The following INPP5D variants were observed in gnomAD, a reference collection of about 807,000 sequenced individuals.
INPP5D encodes phosphatidylinositol 3,4,5-trisphosphate 5-phosphatase 1.
INPP5D carries 33 observed loss-of-function variants against 122.9 expected under a neutral mutation model. The observed-to-expected ratio is 0.27, with a 90% CI of 0.20 to 0.36. The LOEUF is 0.36. INPP5D is among the 10% of genes least tolerant of loss of function. INPP5D has a pLI of 1.00. For synonymous variants in INPP5D, 584 were observed against 576.2 expected (o/e 1.01, Z -0.19); for missense variants, 1,053 against 1,412.7 (o/e 0.75, Z 4.08).
At chr2:233,108,136 C>T (rs183230289) in intron 2 of INPP5D, among the ~76,000 whole-genome samples, 37 of 152,290 alleles carry the variant, frequency 2.4e-4, no homozygotes, top group Middle Eastern at 6.8e-3. Flanking sequence ...ACCCTACCCA[C>T]CCACTGAGCC....
rs1000586504 is a variant in INPP5D at position 233,128,670 on chromosome 2, G to T, written c.525-1838G>T. ...TTTTTGTATTTTTAGTAGAGACAGG[G>T]TTTCACCATGTTGGCCAGGCTGGCC... On this transcript the variant is annotated intron_variant, in intron 4 of 26. Coordinates refer to ENST00000445964, the MANE Select transcript of INPP5D (RefSeq NM_001017915.3). This position sits in a 1 kb window ranked among gnomAD's most constrained non-coding sequence, Gnocchi z 4.5. 7.2e-5 allele frequency among the ~76,000 whole-genome samples: 11 copies of T among 152,094 alleles called. No individual in the cohort carries two copies. The highest frequency in any genetic ancestry group is 2.7e-4 in the African/African-American group (11 of 41,402).
chr2:233,128,253 C>G lies in INPP5D; in HGVS notation c.525-2255C>G, dbSNP rs1411326408. On this transcript the variant is annotated intron_variant, in intron 4 of 26. Transcript: ENST00000445964. This position sits in a 1 kb window ranked among gnomAD's most constrained non-coding sequence, Gnocchi z 4.5. The stretch of plus-strand genomic sequence containing the variant: ...CAGTTTCCTCCCACAACCATCCCCC[C>G]ACCACCCATCCGTGGAATAATTGTC... Among the ~76,000 whole-genome samples, 1 of 152,192 alleles carries G rather than the reference C, an allele frequency of 6.6e-6. No individual in the cohort carries two copies. Among genetic ancestry groups the G allele is most frequent in the African/African-American group, 2.4e-5 (1 of 41,442 alleles).
chr2:233,105,120 C>A lies in INPP5D; in HGVS notation c.199-16987C>A, dbSNP rs949498060. Among the ~76,000 whole-genome samples, 5 of 152,146 alleles carry A rather than the reference C, an allele frequency of 3.3e-5. No individual in the cohort carries two copies. The highest frequency in any genetic ancestry group is 1.2e-4 in the African/African-American group (5 of 41,422). Reference sequence around the variant, plus strand: ...GGATTTCCCCATAGGTGAGGTGGTTCCAGTGCCCAAGGGCAGTCGTCTGAG... The same window carrying A: ...GGATTTCCCCATAGGTGAGGTGGTTACAGTGCCCAAGGGCAGTCGTCTGAG... On this transcript the variant is annotated intron_variant, in intron 2 of 26. Coordinates refer to ENST00000445964, the MANE Select transcript of INPP5D (RefSeq NM_001017915.3). The surrounding 1 kb of genome is among the most constrained non-coding windows in gnomAD (Gnocchi z 4.0).
intron 2 of INPP5D, among the ~76,000 whole-genome samples, chr2:233,094,294 C>G (rs1322572983): frequency 6.6e-6 from 1 of 151,924 alleles, no homozygotes; most frequent in Non-Finnish European, 1.5e-5. Flanking sequence ...AGGCAGATCA[C>G]TTGAGGTCAG....
At chr2:233,204,065 G>A in intron 25 of INPP5D, 61 bp from the exon 26 acceptor site, 1 of 1,448,606 alleles carries the variant, frequency 6.9e-7, no homozygotes, top group South Asian at 1.5e-5. Flanking sequence ...CCATTAAGCA[G>A]CCATGCTCCC....
intron 2 of INPP5D, among the ~76,000 whole-genome samples, chr2:233,091,071 A>T (rs769510808): frequency 3.3e-5 from 5 of 152,034 alleles, no homozygotes; most frequent in Non-Finnish European, 5.9e-5. Flanking sequence ...GGTGCTGGGG[A>T]GATACTTACT....
chr2:233,140,016 G>T, intron 6 of INPP5D, 87 bp downstream of exon 6: 1 of 393,908 alleles, frequency 2.5e-6, no homozygotes, highest in South Asian at 1.4e-4. Flanking sequence ...AGGAGGAAGA[G>T]GGGAGCACTG....
chr2:233,128,282 CACA>C lies in INPP5D; in HGVS notation c.525-2224_525-2222del, dbSNP rs1693221723. 2.0e-5 allele frequency among the ~76,000 whole-genome samples: 3 copies of C among 152,176 alleles called. No homozygotes were observed. Among genetic ancestry groups the C allele is most frequent in the Non-Finnish European group, 4.4e-5 (3 of 68,040 alleles). On this transcript the variant is annotated intron_variant, in intron 4 of 26. Transcript: ENST00000445964. The surrounding 1 kb of genome is among the most constrained non-coding windows in gnomAD (Gnocchi z 4.5). ...ACCCATCCGTGGAATAATTGTCTTC[CACA>C]AAACCGGTCCCTTGTGCCAAAAAGG...
Position 233,198,133 on chromosome 2 carries a change from T to C in INPP5D, c.2732T>C (p.Ile911Thr). 6.2e-7 allele frequency: 1 copy of C among 1,612,412 alleles called. No individual in the cohort carries two copies. The highest frequency in any genetic ancestry group is 1.1e-5 in the South Asian group (1 of 91,028). Residue 911 changes from isoleucine to threonine, a missense_variant, in exon 25 of 27, where the codon ATC becomes ACC. Ile to Thr is a moderately conservative substitution (Grantham distance 89, BLOSUM62 -1). This residue lies in a region of INPP5D where 417 missense variants were observed against 425.8 expected (regional missense o/e 0.98). Coordinates refer to ENST00000445964, the MANE Select transcript of INPP5D (RefSeq NM_001017915.3). ...AGTGGCTCCAGCATCACTGAAATCA[T>C]CAACCCCAACTACATGGGAGTGGGG... ...PCSGSSITEIINPNYMGVGPF... is the reference protein window; with the variant it reads ...PCSGSSITEITNPNYMGVGPF...
intron 2 of INPP5D, among the ~76,000 whole-genome samples, chr2:233,110,458 C>G (rs1285227054): frequency 6.6e-6 from 1 of 151,992 alleles, no homozygotes; most frequent in Non-Finnish European, 1.5e-5. Flanking sequence ...CCTCAGTGTC[C>G]CAAAGGGCTG....
At position 233,100,805 on chromosome 2, in the gene INPP5D, G is replaced by T. The variant is rs1692290204; in HGVS notation, c.199-21302G>T. On this transcript the variant is annotated intron_variant, in intron 2 of 26. Transcript: ENST00000445964. The surrounding 1 kb of genome is among the most constrained non-coding windows in gnomAD (Gnocchi z 5.3). ...GTGGGCCCCACTGGGGAGCTGGAGG[G>T]CTCACTTTTGTCACTGCACTTGCCA... is the stretch of plus-strand genomic sequence containing the variant. Among the ~76,000 whole-genome samples the T allele has an allele frequency of 6.6e-6, 1 of 152,184 alleles. No individual in the cohort carries two copies. Among genetic ancestry groups the T allele is most frequent in the Non-Finnish European group, 1.5e-5 (1 of 68,034 alleles).
intron 24 of INPP5D, among the ~76,000 whole-genome samples, chr2:233,196,150 T>C (rs539746309): frequency 1.3e-5 from 2 of 152,152 alleles, no homozygotes; most frequent in African/African-American, 4.8e-5. Flanking sequence ...AACACTAGCA[T>C]GGCTCTGCAA....
intron 2 of INPP5D, among the ~76,000 whole-genome samples, chr2:233,102,138 C>T (rs975131272): frequency 2.6e-5 from 4 of 152,160 alleles, no homozygotes; most frequent in Non-Finnish European, 5.9e-5. Context: ...TACTCTAGAT[C>T]GCACAACCAG....
chr2:233,154,559 T>C (rs1693999201), intron 9 of INPP5D, among the ~76,000 whole-genome samples: 1 of 152,234 alleles, frequency 6.6e-6, no homozygotes. Flanking sequence ...CCAGACCAAC[T>C]CAAAATTACA....
intron 3 of INPP5D, among the ~76,000 whole-genome samples, chr2:233,123,710 A>T (rs1347504250): frequency 6.6e-6 from 1 of 152,242 alleles, no homozygotes; most frequent in East Asian, 1.9e-4. Flanking sequence ...AAGACATGGA[A>T]TCAGCCTAAA....
chr2:233,068,249 C>T (rs546809970), intron 1 of INPP5D, among the ~76,000 whole-genome samples: 2 of 148,488 alleles, frequency 1.3e-5, no homozygotes, highest in South Asian at 4.3e-4. Context: ...GGCACCCTTG[C>T]ACTCCAGCCT....
rs749177675 is a variant in INPP5D, at chr2:233,163,758, A to G, written c.1292A>G (p.Gln431Arg). Residue 431 changes from glutamine to arginine, a missense_variant, in exon 12 of 27, where the codon CAG becomes CGG. Physicochemically the swap from Gln to Arg is conservative, Grantham distance 43. This residue lies in a region of INPP5D where 105 missense variants were observed against 199.8 expected (regional missense o/e 0.53). Coordinates refer to ENST00000445964, the MANE Select transcript of INPP5D (RefSeq NM_001017915.3). ...ACGTCCTGGTTTCTCTCCAAGGGGCAGGGAAAGACGCGGGACGACTCTGCG... is the reference window on the plus strand; with the variant it reads ...ACGTCCTGGTTTCTCTCCAAGGGGCGGGGAAAGACGCGGGACGACTCTGCG... ...KITSWFLSKG[Q>R]GKTRDDSADY... 5 of 1,613,894 alleles carry G rather than the reference A, an allele frequency of 3.1e-6. No individual in the cohort carries two copies. Among genetic ancestry groups the G allele is most frequent in the Admixed American group, 3.3e-5 (2 of 60,002 alleles).
At chr2:233,163,439 T>G (rs1694246207) in intron 11 of INPP5D, among the ~76,000 whole-genome samples, 1 of 152,178 alleles carries the variant, frequency 6.6e-6, no homozygotes, top group Non-Finnish European at 1.5e-5. Context: ...TGCAGGACAG[T>G]GTCTGACATC....
chr2:233,121,381 G>T (rs943356501), intron 2 of INPP5D, among the ~76,000 whole-genome samples: 2 of 151,356 alleles, frequency 1.3e-5, no homozygotes, highest in African/African-American at 4.9e-5. Context: ...CAAGTGATGT[G>T]CCCACCTCAG....
Sources: allele counts gnomAD v4.1 joint callset (sites outside exome capture counted in the v4.1 genomes callset), GRCh38; gene constraint gnomAD v4.1.1; regional missense constraint gnomAD v4.1.1; non-coding constraint Gnocchi (gnomAD v3.1); transcripts MANE v1.5; gene names NCBI Gene and HGNC (gene_info 2026-07-23, HGNC 2026-07-21).